The following EVL variants were observed in gnomAD, a reference collection of about 807,000 sequenced individuals.
The protein encoded by EVL is ena/VASP-like protein.
EVL carries 21 observed loss-of-function variants against 59.6 expected under a neutral mutation model. That is an observed-to-expected ratio of 0.35 (90% CI 0.25 to 0.51). The LOEUF (loss-of-function observed/expected upper bound fraction) is 0.51, where lower values mean the gene tolerates loss of function less well. EVL is among the 20% of genes least tolerant of loss of function. The pLI, the probability that EVL is intolerant of heterozygous loss-of-function variation, is 0.97. For synonymous variants in EVL, 198 were observed against 203.5 expected, an observed-to-expected ratio of 0.97 and a Z score of 0.23; for missense variants, 462 against 546.6, an observed-to-expected ratio of 0.85 and a Z score of 1.54.
intron 1 of EVL, among the ~76,000 whole-genome samples, chr14:100,082,079 G>A (rs1241880647): frequency 6.6e-6 from 1 of 152,048 alleles, no homozygotes; most frequent in Non-Finnish European, 1.5e-5. Flanking sequence ...AGCCAAGATC[G>A]CGCCACTGAG....
At chr14:100,137,503 G>A (rs1888875432) in intron 9 of EVL, 75 bp from the exon 10 acceptor site, 2 of 1,483,064 alleles carry the variant, frequency 1.3e-6, no homozygotes, top group Non-Finnish European at 1.9e-6. Flanking sequence ...CTTCCTGTTG[G>A]GGTGTTTAGG....
intron 7 of EVL, 106 bp from the exon 8 acceptor site, chr14:100,132,613 T>G: frequency 7.8e-7 from 1 of 1,277,152 alleles, no homozygotes; most frequent in Non-Finnish European, 1.1e-6. Context: ...CCCACACAGG[T>G]TTATCTGAGG....
At chr14:100,117,406 C>T (rs1175995253) in intron 3 of EVL, among the ~76,000 whole-genome samples, 1 of 152,254 alleles carries the variant, frequency 6.6e-6, no homozygotes, top group African/African-American at 2.4e-5. Flanking sequence ...CGCACCAGGG[C>T]TGGGCTCCCC....
At chr14:100,113,615 T>C (rs1417334341) in intron 3 of EVL, among the ~76,000 whole-genome samples, 1 of 152,010 alleles carries the variant, frequency 6.6e-6, no homozygotes, top group Non-Finnish European at 1.5e-5. Flanking sequence ...GGTGCCAAGC[T>C]TCAGATGCCC....
intron 1 of EVL, among the ~76,000 whole-genome samples, chr14:100,006,277 G>C (rs1595558020): frequency 6.8e-6 from 1 of 147,522 alleles, no homozygotes; most frequent in Non-Finnish European, 1.5e-5. Flanking sequence ...CCAGCTGGTT[G>C]TTAATCTTTT....
At chr14:100,014,137 TTCTAAC>T (rs1478354250) in intron 1 of EVL, among the ~76,000 whole-genome samples, 2 of 152,160 alleles carry the variant, frequency 1.3e-5, no homozygotes, top group African/African-American at 4.8e-5. Context: ...TTCTTATTCA[TTCTAAC>T]TCTATTTTAA....
chr14:100,048,207 A>G (rs1300759350), intron 1 of EVL, among the ~76,000 whole-genome samples: 1 of 152,262 alleles, frequency 6.6e-6, no homozygotes, highest in Non-Finnish European at 1.5e-5. Context: ...ATACTTTTAT[A>G]AGAATGAAAA....
chr14:100,045,398 G>C (rs567473000), intron 1 of EVL, among the ~76,000 whole-genome samples: 41 of 152,296 alleles, frequency 2.7e-4, no homozygotes, highest in African/African-American at 9.4e-4. Flanking sequence ...TTGAGGGCCA[G>C]GACTGCATTA....
chr14:100,140,655 G>A (rs1299450374), intron 11 of EVL: 3 of 152,270 alleles, frequency 2.0e-5, no homozygotes, highest in Non-Finnish European at 4.4e-5. Flanking sequence ...GATGTTTCTT[G>A]GGGGAGGTGT....
intron 1 of EVL, among the ~76,000 whole-genome samples, chr14:100,004,751 C>G (rs2060967780): frequency 6.6e-6 from 1 of 152,048 alleles, no homozygotes; most frequent in Non-Finnish European, 1.5e-5. Flanking sequence ...ATTGCTGTAA[C>G]TTTCTATATA....
At chr14:100,084,435 C>T (rs973414391) in intron 1 of EVL, among the ~76,000 whole-genome samples, 2 of 152,182 alleles carry the variant, frequency 1.3e-5, no homozygotes, top group African/African-American at 2.4e-5. Flanking sequence ...AACTTCTCCC[C>T]TGAAAACAAA....
Position 100,043,293 on chromosome 14 carries a change from A to G in EVL, c.6-41394A>G, listed in dbSNP as rs140305442. 7.2e-3 allele frequency among the ~76,000 whole-genome samples: 1,039 copies of G among 144,510 alleles called. 8 individuals are homozygous for G. Among genetic ancestry groups the G allele is most frequent in the African/African-American group, 0.028 (982 of 35,222 alleles). 94.8% of individuals were successfully genotyped at this position (144,510 alleles called of 152,430 possible). ...TATATATATGTGTGTGTGTATATAT[A>G]TGTGTGTGTGTGTGTGTATATGTAT... On this transcript the variant is annotated intron_variant, in intron 1 of 13. Coordinates refer to the EVL transcript ENST00000402714.
chr14:100,104,024 A>T (rs958091328), intron 3 of EVL, among the ~76,000 whole-genome samples: 4 of 152,206 alleles, frequency 2.6e-5, no homozygotes, highest in Non-Finnish European at 4.4e-5. Context: ...CCTGTGCCCC[A>T]GTCGCCTGAC....
At chr14:100,019,592 GACTA>G in intron 1 of EVL, 9 of 1,359,940 alleles carry the variant, frequency 6.6e-6, no homozygotes, top group Admixed American at 2.3e-5. Context: ...TGCACCATCT[GACTA>G]ACTAAATGGT....
At chr14:100,027,401 C>G (rs936128910) in intron 1 of EVL, among the ~76,000 whole-genome samples, 1 of 152,136 alleles carries the variant, frequency 6.6e-6, no homozygotes, top group Non-Finnish European at 1.5e-5. Flanking sequence ...TTATTACCCT[C>G]TCCCCGTTAC....
chr14:100,089,142 A>G (rs1449052463), intron 2 of EVL, among the ~76,000 whole-genome samples: 2 of 152,246 alleles, frequency 1.3e-5, no homozygotes, highest in African/African-American at 4.8e-5. Flanking sequence ...TTCAAAACAC[A>G]TAACGCAAAA....
Position 100,141,142 on chromosome 14 carries a change from T to C in EVL, c.1095-38T>C, listed in dbSNP as rs200560699. On this transcript the variant is annotated intron_variant, in intron 11 of 13. Coordinates refer to ENST00000392920, the MANE Select transcript of EVL (RefSeq NM_016337.3). Reference sequence around the variant, plus strand: ...CACAGCCAGCTTTCCCCCACACCTGTCTCCAGCCAGGGCACCCACAGGCCC... The same window carrying C: ...CACAGCCAGCTTTCCCCCACACCTGCCTCCAGCCAGGGCACCCACAGGCCC... The C allele has an allele frequency of 1.3e-5, 21 of 1,607,804 alleles. No homozygotes were observed. In the East Asian group the frequency reaches 3.6e-4, roughly 27 times the overall value.
At chr14:99,997,876 A>G (rs2060923728) in intron 1 of EVL, among the ~76,000 whole-genome samples, 1 of 152,144 alleles carries the variant, frequency 6.6e-6, no homozygotes, top group African/African-American at 2.4e-5. Flanking sequence ...CCTTTCTGTT[A>G]CCAAGCATGA....
upstream of EVL, among the ~76,000 whole-genome samples, chr14:100,061,314 C>T (rs1355607422): frequency 7.0e-6 from 1 of 142,498 alleles, no homozygotes; most frequent in East Asian, 2.1e-4. Flanking sequence ...ACTCAGAAGG[C>T]TGAGGCAGGA....
Sources: gnomAD v4.1 joint callset for allele counts (sites outside exome capture counted in the v4.1 genomes callset) on GRCh38, gnomAD v4.1.1 for gene constraint, MANE v1.5 for transcripts, NCBI Gene and HGNC (gene_info 2026-07-23, HGNC 2026-07-21) for gene names.